Variants in WHRN observed in about 807,000 individuals in gnomAD.
WHRN encodes the protein whirlin, also known as CASK-interacting protein CIP98.
In WHRN, 41 loss-of-function variants were observed where a neutral mutation model predicts 68.3. That is an observed-to-expected ratio of 0.60 (90% confidence interval 0.47 to 0.78). WHRN has a LOEUF of 0.78. Among genes scored for constraint, WHRN ranks in the 30% least tolerant of loss-of-function variants. WHRN has a pLI of 0.00. For synonymous variants in WHRN, 560 were observed against 561.3 expected (o/e 1.00, Z 0.03); for missense variants, 1,243 against 1,244.7 (o/e 1.00, Z 0.02).
intron 1 of WHRN, among the ~76,000 whole-genome samples, chr9:114,483,815 T>C (rs1842279793): frequency 6.6e-6 from 1 of 152,208 alleles, no homozygotes; most frequent in Non-Finnish European, 1.5e-5. Context: ...TAAACTTCTA[T>C]GTCTTTCTGA....
chr9:114,449,605 A>C (rs2132688155), intron 3 of WHRN, among the ~76,000 whole-genome samples: 1 of 152,220 alleles, frequency 6.6e-6, no homozygotes, highest in Non-Finnish European at 1.5e-5. Flanking sequence ...TCCAACTAAG[A>C]GAGTATCATA....
intron 3 of WHRN, among the ~76,000 whole-genome samples, chr9:114,441,595 T>C (rs1045176638): frequency 3.3e-5 from 5 of 152,166 alleles, no homozygotes; most frequent in Non-Finnish European, 7.3e-5. Flanking sequence ...AAATGACAGA[T>C]GCATGTCAAA....
intron 3 of WHRN, among the ~76,000 whole-genome samples, chr9:114,464,832 A>C (rs1480894098): frequency 7.9e-6 from 1 of 126,252 alleles, no homozygotes; most frequent in South Asian, 2.2e-4. Flanking sequence ...GATGATGATG[A>C]TGATGATGAT....
intron 3 of WHRN, among the ~76,000 whole-genome samples, chr9:114,441,481 A>G (rs1838369358): frequency 6.6e-6 from 1 of 152,228 alleles, no homozygotes; most frequent in South Asian, 2.1e-4. Context: ...CCATTGAGAA[A>G]TATCATGGCC....
At chr9:114,491,795 G>T in intron 1 of WHRN, 1 of 266,454 alleles carries the variant, frequency 3.8e-6, no homozygotes. Context: ...CCTGGAGCCA[G>T]TCCCACCATG....
intron 7 of WHRN, among the ~76,000 whole-genome samples, chr9:114,408,684 A>C (rs769391213): frequency 6.6e-6 from 1 of 152,266 alleles, no homozygotes; most frequent in East Asian, 1.9e-4. Context: ...CCTAGAGCCC[A>C]GAATGGAAAA....
chr9:114,402,554 C>G lies in WHRN; in HGVS notation c.*200G>C. ...CTGTGTACCCAGTACAGCACCAGTT[C>G]CTGACCTGACCTTCTGTCTGCCTTG... is the stretch of plus-strand genomic sequence containing the variant. On this transcript the variant is annotated 3_prime_UTR_variant, in exon 12 of 12. Transcript: ENST00000362057. The G allele has an allele frequency of 1.5e-6, 1 of 689,586 alleles. No homozygotes were observed. The highest frequency in any genetic ancestry group is 2.5e-6 in the Non-Finnish European group (1 of 395,920). The allele number at this position is 689,586 out of a possible 1,614,324, so 42.7% of individuals were successfully genotyped here.
At chr9:114,469,542 T>TGTGGCTA (rs1197122861) in intron 2 of WHRN, among the ~76,000 whole-genome samples, 23 of 152,204 alleles carry the variant, frequency 1.5e-4, no homozygotes, top group Non-Finnish European at 2.9e-4. Flanking sequence ...GAGGCAGCTC[T>TGTGGCTA]GTGGCTAGTG....
At chr9:114,430,780 A>T (rs1203236872) in intron 3 of WHRN, among the ~76,000 whole-genome samples, 1 of 152,178 alleles carries the variant, frequency 6.6e-6, no homozygotes, top group Non-Finnish European at 1.5e-5. Context: ...GGAAACCCTG[A>T]CTTACTGGGG....
chr9:114,430,381 A>AT (rs1837309678), intron 3 of WHRN, among the ~76,000 whole-genome samples: 1 of 152,220 alleles, frequency 6.6e-6, no homozygotes, highest in Admixed American at 6.5e-5. Context: ...AAACATATTC[A>AT]TTGTTTATCT....
intron 7 of WHRN, among the ~76,000 whole-genome samples, chr9:114,417,095 G>A (rs1280196981): frequency 1.3e-5 from 2 of 152,232 alleles, no homozygotes; most frequent in African/African-American, 2.4e-5. Flanking sequence ...ATTGTGTGAA[G>A]GCAGCATAAA....
At chr9:114,472,402 C>G (rs377076829) in intron 2 of WHRN, among the ~76,000 whole-genome samples, 4 of 152,348 alleles carry the variant, frequency 2.6e-5, no homozygotes, top group African/African-American at 7.2e-5. Flanking sequence ...CCTCCAGCCA[C>G]CTGGAGCACT....
At chr9:114,410,124 G>A (rs1835327452) in intron 7 of WHRN, among the ~76,000 whole-genome samples, 1 of 152,094 alleles carries the variant, frequency 6.6e-6, no homozygotes, top group South Asian at 2.1e-4. Context: ...ACCTCAGCGA[G>A]GCCCTCCCAG....
intron 9 of WHRN, among the ~76,000 whole-genome samples, chr9:114,405,165 C>G (rs4979381): frequency 6.7e-6 from 1 of 149,312 alleles, no homozygotes; most frequent in Non-Finnish European, 1.5e-5. Flanking sequence ...ACCTCTGCCT[C>G]CTGGGTTCAA....
chr9:114,503,463 C>T (rs1049948801), intron 1 of WHRN: 4 of 152,420 alleles, frequency 2.6e-5, no homozygotes, highest in African/African-American at 9.7e-5. Context: ...ACACACACTC[C>T]TTTAAAAAGC....
chr9:114,418,231 C>T (rs367952537), intron 7 of WHRN, among the ~76,000 whole-genome samples: 3 of 152,234 alleles, frequency 2.0e-5, no homozygotes, highest in East Asian at 1.9e-4. Flanking sequence ...GAGCAAAAGG[C>T]AGTCGCTCCT....
At chr9:114,403,830 C>T in intron 10 of WHRN, 66 bp downstream of exon 10, 2 of 1,586,464 alleles carry the variant, frequency 1.3e-6, no homozygotes, top group Non-Finnish European at 1.7e-6. Context: ...GGTCCCGGGA[C>T]CTCCCATTCT....
intron 4 of WHRN, chr9:114,425,277 G>C (rs550283633): frequency 6.2e-6 from 4 of 646,440 alleles, no homozygotes; most frequent in Non-Finnish European, 8.4e-6. Flanking sequence ...CTCCTGAGTT[G>C]TTGCCAACCC....
chr9:114,455,599 G>A (rs974781514), intron 3 of WHRN, among the ~76,000 whole-genome samples: 3 of 151,454 alleles, frequency 2.0e-5, no homozygotes, highest in Non-Finnish European at 2.9e-5. Flanking sequence ...CTGTAGTCCC[G>A]GCTACTAGGA....
Sources: allele counts gnomAD v4.1 joint callset (sites outside exome capture counted in the v4.1 genomes callset), GRCh38; gene constraint gnomAD v4.1.1; transcripts MANE v1.5; gene names NCBI Gene and HGNC (gene_info 2026-07-23, HGNC 2026-07-21).